The following ZNF106 variants were observed in gnomAD, a reference collection of about 807,000 sequenced individuals.
ZNF106 encodes zinc finger protein 106.
A neutral mutation model predicts 195.1 loss-of-function variants in ZNF106; 67 were observed. The ratio of observed to expected loss-of-function variants is 0.34; its 90% confidence interval spans 0.28 to 0.42. The LOEUF (loss-of-function observed/expected upper bound fraction) is 0.42, where lower values mean the gene tolerates loss of function less well. Among genes scored for constraint, ZNF106 ranks in the 10% least tolerant of loss-of-function variants. The pLI is 1.00. For missense variants in ZNF106, 2,118 were observed against 2,304.5 expected, an observed-to-expected ratio of 0.92 and a Z score of 1.66; for synonymous variants, 784 against 818.6, an observed-to-expected ratio of 0.96 and a Z score of 0.72.
intron 13 of ZNF106, among the ~76,000 whole-genome samples, chr15:42,436,403 C>CT (rs2055275280): frequency 6.6e-6 from 1 of 152,128 alleles, no homozygotes; most frequent in South Asian, 2.1e-4. Flanking sequence ...GCACTGCTTC[C>CT]TTTTTTCAGT....
At chr15:42,488,320 A>G (rs1000956350) in intron 1 of ZNF106, among the ~76,000 whole-genome samples, 3 of 152,208 alleles carry the variant, frequency 2.0e-5, no homozygotes, top group South Asian at 2.1e-4. Flanking sequence ...AGGTCACTCA[A>G]TATTAGCACA....
rs894854660 is a variant in ZNF106, at chr15:42,450,802, T to C, written c.1470A>G (p.Gln490=). 6.2e-7 allele frequency: 1 copy of C among 1,614,230 alleles called. No homozygotes were observed. ...CPATKSLSQK[Q]DPKNISKNTK... ...TGTTTTTTGAGATATTCTTTGGATC[T>C]TGCTTTTGAGACAATGATTTAGTGG... Residue 490 remains glutamine, a synonymous_variant, in exon 5 of 22, where the codon CAA becomes CAG. Transcript: ENST00000564754.
chr15:42,415,387 G>T lies in ZNF106; in HGVS notation c.*1917C>A. On this transcript the variant is annotated 3_prime_UTR_variant, in exon 22 of 22. Coordinates refer to ENST00000564754, the MANE Select transcript of ZNF106 (RefSeq NM_001366845.3). ...TCCACCCGCCTCGGCCTCCCAAAGA[G>T]CTGGGATTACAGGTGTGAGCCACCA... The T allele has an allele frequency of 2.2e-6, 1 of 453,048 alleles. No individual in the cohort carries two copies. The highest frequency in any genetic ancestry group is 1.6e-5 in the South Asian group (1 of 63,962). The allele number at this position is 453,048 out of a possible 1,614,324, so 28.1% of individuals were successfully genotyped here. A position where few individuals can be genotyped will look rare whatever the true frequency, so the allele number is the denominator to read the frequency against.
rs570397859 is a variant in ZNF106 at position 42,444,913 on chromosome 15, A to C, written c.3274T>G (p.Cys1092Gly). The change falls in exon 8 of 22, where the codon TGC becomes GGC. Residue 1092 changes from cysteine (C) to glycine (G), a missense_variant. Physicochemically the swap from Cys to Gly is radical, Grantham distance 159. Coordinates refer to ENST00000564754, the MANE Select transcript of ZNF106 (RefSeq NM_001366845.3). ...REEELSKSLQ[C>G]MDNNLLQARA... Reference sequence around the variant, plus strand: ...GCTTGCAGAAGATTGTTATCCATGCACTGCAATGACTTACTAAGTTCTTCC... The same window carrying C: ...GCTTGCAGAAGATTGTTATCCATGCCCTGCAATGACTTACTAAGTTCTTCC... 1 of 1,614,198 alleles carries C rather than the reference A, an allele frequency of 6.2e-7. No individual in the cohort carries two copies. The highest frequency in any genetic ancestry group is 2.2e-5 in the East Asian group (1 of 44,888).
In ZNF106 at chr15:42,451,267, G is replaced by C. The variant is rs759128770; in HGVS notation, c.1005C>G (p.Leu335=). 6.2e-7 allele frequency: 1 copy of C among 1,614,114 alleles called. No individual in the cohort carries two copies. Among genetic ancestry groups the C allele is most frequent in the Non-Finnish European group, 8.5e-7 (1 of 1,180,020 alleles). ...TTTCCAGCTGCTCAAAATTGAAGTCGAGTAAGCCTTCTGAAGGAAATTTAT... is the reference window on the plus strand; with the variant it reads ...TTTCCAGCTGCTCAAAATTGAAGTCCAGTAAGCCTTCTGAAGGAAATTTAT... ...TSDKFPSEGL[L]DFNFEQLESQ... is the part of the protein sequence containing the mutation. Residue 335 remains leucine (L), a synonymous_variant, in exon 5 of 22, where the codon CTC becomes CTG. Coordinates refer to ENST00000564754, the MANE Select transcript of ZNF106 (RefSeq NM_001366845.3).
At chr15:42,486,212 C>T (rs2057012808) in intron 1 of ZNF106, among the ~76,000 whole-genome samples, 1 of 152,050 alleles carries the variant, frequency 6.6e-6, no homozygotes, top group African/African-American at 2.4e-5. Flanking sequence ...CCCACCTCAG[C>T]CTCCCAAAGT....
At chr15:42,486,149 T>TAGG (rs1257492911) in intron 1 of ZNF106, among the ~76,000 whole-genome samples, 1 of 151,544 alleles carries the variant, frequency 6.6e-6, no homozygotes, top group Non-Finnish European at 1.5e-5. Flanking sequence ...TTAGTAGAGA[T>TAGG]AGAGTTTCAC....
intron 1 of ZNF106, among the ~76,000 whole-genome samples, chr15:42,484,156 G>A (rs962987036): frequency 6.6e-6 from 1 of 152,066 alleles, no homozygotes; most frequent in Non-Finnish European, 1.5e-5. Context: ...TTCCCCAATT[G>A]TCACCATACA....
At chr15:42,446,714 A>C in intron 6 of ZNF106, 56 bp from the exon 7 acceptor site, 1 of 1,387,248 alleles carries the variant, frequency 7.2e-7, no homozygotes, top group East Asian at 2.4e-5. Context: ...ATTATCCAAG[A>C]GGAGAAAAAG....
chr15:42,442,308 AGT>A lies in ZNF106; in HGVS notation c.3526_3527del (p.Thr1176SerfsTer47). 6.2e-7 allele frequency: 1 copy of A among 1,614,180 alleles called. No homozygotes were observed. Among genetic ancestry groups the A allele is most frequent in the Non-Finnish European group, 8.5e-7 (1 of 1,180,030 alleles). On this transcript the variant is annotated frameshift_variant, in exon 10 of 22. Transcript: ENST00000564754. LOFTEE classifies it high-confidence loss of function. ...QTSIDAALLPTPFFPLFLEPP... is the reference protein window; with the variant it reads ...QTSIDAALLPXPFFPLFLEPP... ...GCTCCAGAAAAAGTGGGAAAAAGGG[AGT>A]GGGCAGCAGTGCGGCATCAATGGAT...
intron 9 of ZNF106, among the ~76,000 whole-genome samples, chr15:42,442,631 T>TG (rs1471090268): frequency 5.3e-5 from 8 of 150,982 alleles, no homozygotes; most frequent in African/African-American, 1.5e-4. Flanking sequence ...TTTTTTTTTT[T>TG]TTTGAGATAG....
chr15:42,456,633 G>A (rs1186990415), intron 4 of ZNF106, among the ~76,000 whole-genome samples: 1 of 151,398 alleles, frequency 6.6e-6, no homozygotes, highest in Non-Finnish European at 1.5e-5. Context: ...GTCTGGGTGG[G>A]TGACAGAGTG....
chr15:42,431,903 C>T (rs1334701415), intron 14 of ZNF106, among the ~76,000 whole-genome samples: 1 of 152,180 alleles, frequency 6.6e-6, no homozygotes, highest in African/African-American at 2.4e-5. Context: ...CATGAGCCAC[C>T]ACACCCGGCC....
chr15:42,427,333 A>T (rs2054895516), intron 15 of ZNF106, among the ~76,000 whole-genome samples: 1 of 152,232 alleles, frequency 6.6e-6, no homozygotes. Context: ...GATGAAGTCC[A>T]ACTACCTTAA....
chr15:42,435,537 C>T lies in ZNF106; in HGVS notation c.4747-19G>A. On this transcript the variant is annotated intron_variant, in intron 13 of 21. Coordinates refer to ENST00000564754, the MANE Select transcript of ZNF106 (RefSeq NM_001366845.3). Reference sequence around the variant, plus strand: ...TCCGACTCTAAAGTTTAAGCACAGACCAGATTATTACTTATGAGATATAGG... The same window carrying T: ...TCCGACTCTAAAGTTTAAGCACAGATCAGATTATTACTTATGAGATATAGG... 1 of 1,613,872 alleles carries T rather than the reference C, an allele frequency of 6.2e-7. No homozygotes were observed. The highest frequency in any genetic ancestry group is 8.5e-7 in the Non-Finnish European group (1 of 1,179,844).
In ZNF106 at chr15:42,417,236, G is replaced by A. The variant is rs2054488168; in HGVS notation, c.*68C>T. ...ACTTCACCAAGAAAGGGAAGAGAGTGGCCTGTGTGGGGGGCCAATGTGAAA... is the reference window on the plus strand; with the variant it reads ...ACTTCACCAAGAAAGGGAAGAGAGTAGCCTGTGTGGGGGGCCAATGTGAAA... On this transcript the variant is annotated 3_prime_UTR_variant, in exon 22 of 22. Coordinates refer to ENST00000564754, the MANE Select transcript of ZNF106 (RefSeq NM_001366845.3). 3.9e-6 allele frequency: 6 copies of A among 1,536,998 alleles called. No homozygotes were observed. The highest frequency in any genetic ancestry group is 1.7e-5 in the Admixed American group (1 of 59,210).
At chr15:42,477,975 G>T (rs902673840) in intron 1 of ZNF106, among the ~76,000 whole-genome samples, 202 of 151,252 alleles carry the variant, frequency 1.3e-3, no homozygotes, top group African/African-American at 4.7e-3. Flanking sequence ...TTGATACACT[G>T]TTATTTATTT....
chr15:42,481,380 C>G (rs1420481771), intron 1 of ZNF106, among the ~76,000 whole-genome samples: 1 of 119,148 alleles, frequency 8.4e-6, no homozygotes, highest in Non-Finnish European at 1.7e-5. Flanking sequence ...TTTTTTGAGA[C>G]AGAGTCTTGC....
intron 2 of ZNF106, among the ~76,000 whole-genome samples, chr15:42,468,535 G>A (rs1273004219): frequency 1.3e-5 from 2 of 150,006 alleles, no homozygotes; most frequent in African/African-American, 4.9e-5. Flanking sequence ...AAAAGGTCAG[G>A]AGTTCGAGAC....
Sources: allele counts gnomAD v4.1 joint callset (sites outside exome capture counted in the v4.1 genomes callset), GRCh38; gene constraint gnomAD v4.1.1; transcripts MANE v1.5; gene names NCBI Gene and HGNC (gene_info 2026-07-23, HGNC 2026-07-21).